MGAT5: variants seen among roughly 807,000 people sequenced by gnomAD.
MGAT5 encodes alpha-1,6-mannosylglycoprotein 6-beta-N-acetylglucosaminyltransferase, also known as alpha-1,6-mannosylglycoprotein 6-beta-N-acetylglucosaminyltransferase A.
Under a neutral mutation model 94.3 loss-of-function variants are expected in MGAT5, and 30 were observed. That is an observed-to-expected ratio of 0.32 (90% CI 0.24 to 0.43). The LOEUF is 0.43. MGAT5 is among the 20% of genes least tolerant of loss of function. The pLI, the probability that MGAT5 is intolerant of heterozygous loss-of-function variation, is 1.00. For missense variants in MGAT5, 691 were observed against 905.5 expected (o/e 0.76, Z 3.04); for synonymous variants, 310 against 322.9 (o/e 0.96, Z 0.43).
intron 1 of MGAT5, among the ~76,000 whole-genome samples, chr2:134,125,448 G>A (rs941323904): frequency 6.6e-6 from 1 of 152,110 alleles, no homozygotes; most frequent in African/African-American, 2.4e-5. Context: ...AAGCCGAGAG[G>A]GCTTCATAGA....
At chr2:134,144,188 G>A in intron 1 of MGAT5, among the ~76,000 whole-genome samples, 1 of 152,052 alleles carries the variant, frequency 6.6e-6, no homozygotes, top group East Asian at 1.9e-4. Context: ...CTTGAGACTG[G>A]GTAATTTATA....
At chr2:134,274,590 A>G (rs1684235315) in intron 2 of MGAT5, among the ~76,000 whole-genome samples, 1 of 152,200 alleles carries the variant, frequency 6.6e-6, no homozygotes, top group Non-Finnish European at 1.5e-5. Flanking sequence ...GTGCATGTGT[A>G]CACATTTATT....
In MGAT5 at chr2:134,421,204, G is replaced by A. The variant is rs1041311580; in HGVS notation, c.1678-1599G>A. Among the ~76,000 whole-genome samples, 4 of 152,198 alleles carry A rather than the reference G, an allele frequency of 2.6e-5. No homozygotes were observed. In the East Asian group the frequency reaches 5.8e-4, roughly 22 times the overall value. On this transcript the variant is annotated intron_variant, in intron 12 of 15. Coordinates refer to ENST00000281923, the MANE Select transcript of MGAT5 (RefSeq NM_002410.5). ...GAAATGATGACAGCTCATTGGTGAC[G>A]TTTCAGATAAAACAGAGCAGAGACA...
At chr2:134,298,349 C>T (rs927306319) in intron 2 of MGAT5, among the ~76,000 whole-genome samples, 19 of 152,138 alleles carry the variant, frequency 1.2e-4, no homozygotes, top group Admixed American at 8.5e-4. Flanking sequence ...CTACCTGCCT[C>T]GGCCTCCCAA....
At chr2:134,415,573 C>G (rs1187734958) in intron 12 of MGAT5, among the ~76,000 whole-genome samples, 3 of 152,108 alleles carry the variant, frequency 2.0e-5, no homozygotes, top group African/African-American at 7.2e-5. Flanking sequence ...CATAGGTTGC[C>G]TTTTCACTCT....
rs1391203304 is a variant in MGAT5 at position 134,453,626 on chromosome 2, G to A, written c.*4779G>A. On this transcript the variant is annotated 3_prime_UTR_variant, in exon 16 of 16. Transcript: ENST00000281923. ...TTTGCCGGCCCCTACAGGCTGGGGTGGCCCCTCCTGTCCTCAGGGATCAGA... is the reference window on the plus strand; with the variant it reads ...TTTGCCGGCCCCTACAGGCTGGGGTAGCCCCTCCTGTCCTCAGGGATCAGA... 3 of 152,156 alleles carry A rather than the reference G, an allele frequency of 2.0e-5. No homozygotes were observed. The highest frequency in any genetic ancestry group is 4.8e-5 in the African/African-American group (2 of 41,426). The allele number at this position is 152,156 out of a possible 1,614,324, so 9.4% of individuals were successfully genotyped here.
intron 2 of MGAT5, among the ~76,000 whole-genome samples, chr2:134,273,672 T>C (rs1684173151): frequency 6.7e-6 from 1 of 149,946 alleles, no homozygotes; most frequent in Non-Finnish European, 1.5e-5. Flanking sequence ...TTTTTCTCTC[T>C]AGCTGTGTTC....
In MGAT5 at chr2:134,254,327, C is replaced by G; in HGVS notation, c.-77C>G. 1 of 1,554,504 alleles carries G rather than the reference C, an allele frequency of 6.4e-7. No homozygotes were observed. The highest frequency in any genetic ancestry group is 8.7e-7 in the Non-Finnish European group (1 of 1,146,210). On this transcript the variant is annotated 5_prime_UTR_variant, in exon 1 of 16. Transcript: ENST00000281923. ...CCAGAGTGAGACCAGCAGACTCTCA[C>G]ACTCAACCTACACCATGAATTTGTG...
intron 1 of MGAT5, among the ~76,000 whole-genome samples, chr2:134,192,088 AGGGT>A (rs1031911069): frequency 5.0e-4 from 65 of 128,938 alleles, no homozygotes; most frequent in African/African-American, 1.9e-3. Flanking sequence ...TCCTGATGGA[AGGGT>A]GGGTTTGCGC....
chr2:134,177,662 G>C (rs1688543943), intron 1 of MGAT5, among the ~76,000 whole-genome samples: 1 of 152,222 alleles, frequency 6.6e-6, no homozygotes. Context: ...GCCTGGGCAT[G>C]ATGATGGTCA....
At chr2:134,177,565 C>G (rs1308785999) in intron 1 of MGAT5, among the ~76,000 whole-genome samples, 1 of 152,216 alleles carries the variant, frequency 6.6e-6, no homozygotes, top group Non-Finnish European at 1.5e-5. Flanking sequence ...TCTCGCCTGC[C>G]CTTTCCCGTT....
At chr2:134,189,592 G>GTTTTTTTTTGTTTTT (rs1319706763) in intron 1 of MGAT5, among the ~76,000 whole-genome samples, 1 of 56,314 alleles carries the variant, frequency 1.8e-5, no homozygotes, top group South Asian at 6.4e-4. Context: ...CATGGCTCTA[G>GTTTTTTTTTGTTTTT]TTTTTTTTTG....
intron 1 of MGAT5, among the ~76,000 whole-genome samples, chr2:134,146,835 C>T (rs956982448): frequency 1.3e-5 from 2 of 152,118 alleles, no homozygotes; most frequent in Non-Finnish European, 2.9e-5. Flanking sequence ...TTCTCTTCTG[C>T]ATTTCATTGG....
At chr2:134,186,573 C>T (rs6430501) in intron 1 of MGAT5, among the ~76,000 whole-genome samples, 26,148 of 151,936 alleles carry the variant, frequency 0.17, 3,001 homozygotes, top group African/African-American at 0.32. Context: ...AATCGGAGCA[C>T]GTTAATTGGA....
At chr2:134,141,421 G>A (rs1307499182) in intron 1 of MGAT5, among the ~76,000 whole-genome samples, 1 of 146,592 alleles carries the variant, frequency 6.8e-6, no homozygotes, top group Non-Finnish European at 1.5e-5. Context: ...GCCTAATGTA[G>A]GCTCTTGGGA....
intron 2 of MGAT5, among the ~76,000 whole-genome samples, chr2:134,307,982 T>A (rs1328648803): frequency 3.9e-5 from 6 of 152,098 alleles, no homozygotes; most frequent in Non-Finnish European, 8.8e-5. Context: ...CCCCAAGAAA[T>A]GTTTAAATGT....
In MGAT5 at chr2:134,267,630, T is replaced by C. The variant is rs548925622; in HGVS notation, c.242-2756T>C. Among the ~76,000 whole-genome samples, 3 of 152,346 alleles carry C rather than the reference T, an allele frequency of 2.0e-5. No individual in the cohort carries two copies. The East Asian group carries it at 5.8e-4, about 29-fold the overall frequency. On this transcript the variant is annotated intron_variant, in intron 1 of 15. Coordinates refer to ENST00000281923, the MANE Select transcript of MGAT5 (RefSeq NM_002410.5). ...TTGAGAATTGAGGGAGAATATCTTC[T>C]TAATTGTAAGTATGACAACTTCATA... is the stretch of plus-strand genomic sequence containing the variant.
chr2:134,149,351 G>A (rs1322041354), intron 1 of MGAT5, among the ~76,000 whole-genome samples: 1 of 152,098 alleles, frequency 6.6e-6, no homozygotes, highest in Admixed American at 6.5e-5. Context: ...CCCCAGAGAA[G>A]CTGAAATGTT....
Position 134,404,800 on chromosome 2 carries a change from A to T in MGAT5, c.1530+1663A>T, listed in dbSNP as rs956574277. On this transcript the variant is annotated intron_variant, in intron 11 of 15. Transcript: ENST00000281923. Reference sequence around the variant, plus strand: ...TTCCAAGGTCATCTGTAGTCTGATGACTGTTTTTTGTTATCCAGGAGTGAA... The same window carrying T: ...TTCCAAGGTCATCTGTAGTCTGATGTCTGTTTTTTGTTATCCAGGAGTGAA... Among the ~76,000 whole-genome samples, 43 of 152,260 alleles carry T rather than the reference A, an allele frequency of 2.8e-4. 1 individual carries two copies. Among genetic ancestry groups the T allele is most frequent in the African/African-American group, 8.7e-4 (36 of 41,532 alleles).
Sources: gnomAD v4.1 joint callset for allele counts (sites outside exome capture counted in the v4.1 genomes callset) on GRCh38, gnomAD v4.1.1 for gene constraint, MANE v1.5 for transcripts, NCBI Gene and HGNC (gene_info 2026-07-23, HGNC 2026-07-21) for gene names.